CDYL: variants seen among roughly 807,000 people sequenced by gnomAD.
CDYL encodes the protein chromodomain Y-like protein.
In CDYL, 8 loss-of-function variants were observed where a neutral mutation model predicts 47.3. That is an observed-to-expected ratio of 0.17 (90% confidence interval 0.10 to 0.31). The LOEUF (loss-of-function observed/expected upper bound fraction) is 0.31. Among genes scored for constraint, CDYL ranks in the 10% least tolerant of loss-of-function variants. CDYL has a pLI of 1.00. For missense variants in CDYL, 471 were observed against 701.4 expected (o/e 0.67, Z 3.71); for synonymous variants, 266 against 265.0 (o/e 1.00, Z -0.04).
chr6:4,759,846 T>A (rs367607294), intron 3 of CDYL, among the ~76,000 whole-genome samples: 1 of 103,806 alleles, frequency 9.6e-6, no homozygotes, highest in African/African-American at 3.7e-5. Context: ...GCCATTGCAC[T>A]CCAGCCTGGG....
At chr6:4,735,549 A>G (rs1400113560) in intron 3 of CDYL, among the ~76,000 whole-genome samples, 1 of 152,052 alleles carries the variant, frequency 6.6e-6, no homozygotes, top group Non-Finnish European at 1.5e-5. Context: ...GGATCGCTTG[A>G]GGAAAGGAGT....
At chr6:4,736,401 A>G (rs149161466) in intron 3 of CDYL, among the ~76,000 whole-genome samples, 1,777 of 152,338 alleles carry the variant, frequency 0.012, 20 homozygotes, top group Middle Eastern at 0.031. Context: ...CAGCTAGAGG[A>G]TAGTGAAAAT....
chr6:4,911,849 C>T (rs747177108), intron 2 of CDYL, among the ~76,000 whole-genome samples: 1 of 152,002 alleles, frequency 6.6e-6, no homozygotes. Context: ...TTTAACTCAG[C>T]GAAGGAATCA....
intron 1 of CDYL, among the ~76,000 whole-genome samples, chr6:4,869,584 C>A (rs1407430355): frequency 6.6e-6 from 1 of 152,020 alleles, no homozygotes; most frequent in Non-Finnish European, 1.5e-5. Context: ...GTACCATATT[C>A]TCTGAATTTT....
At chr6:4,830,831 C>T (rs1234979028) in intron 1 of CDYL, among the ~76,000 whole-genome samples, 1 of 147,318 alleles carries the variant, frequency 6.8e-6, no homozygotes. Flanking sequence ...TCAATTCCCA[C>T]CTATGAGTGA....
At chr6:4,724,309 C>T (rs1757443439) in intron 2 of CDYL, 1 of 152,046 alleles carries the variant, frequency 6.6e-6, no homozygotes, top group Admixed American at 6.6e-5. Flanking sequence ...CCTTGGCCTC[C>T]CAACGTGATG....
chr6:4,953,817 G>A, intron 6 of CDYL, 81 bp from the exon 7 acceptor site: 2 of 1,316,922 alleles, frequency 1.5e-6, no homozygotes, highest in South Asian at 1.4e-5. Flanking sequence ...TTTGATGATT[G>A]CCTCCGTAAA....
chr6:4,947,584 C>T (rs1055007327), intron 5 of CDYL, among the ~76,000 whole-genome samples: 1 of 152,186 alleles, frequency 6.6e-6, no homozygotes, highest in African/African-American at 2.4e-5. Context: ...GTGGCTTCTC[C>T]ACCTGGCCTG....
intron 2 of CDYL, among the ~76,000 whole-genome samples, chr6:4,922,967 C>T (rs1344001154): frequency 1.3e-5 from 2 of 152,048 alleles, no homozygotes; most frequent in African/African-American, 2.4e-5. Flanking sequence ...ACTATTTTTA[C>T]TCAACACTTA....
Position 4,871,720 on chromosome 6 carries a change from A to T in CDYL, c.25-19993A>T, listed in dbSNP as rs1581226024. ...TATTTGGCCGTGTCCTCTCCACCCT[A>T]AATAGTCTCCCCTAGATGAGCTTTA... is the stretch of plus-strand genomic sequence containing the variant. On this transcript the variant is annotated intron_variant, in intron 1 of 6. Coordinates refer to ENST00000397588, the MANE Select transcript of CDYL (RefSeq NM_004824.4). Among the ~76,000 whole-genome samples, 3 of 152,054 alleles carry T rather than the reference A, an allele frequency of 2.0e-5. No homozygotes were observed. In the South Asian group the frequency reaches 6.2e-4, roughly 32 times the overall value.
At chr6:4,858,516 A>C (rs1581217137) in intron 1 of CDYL, among the ~76,000 whole-genome samples, 1 of 152,212 alleles carries the variant, frequency 6.6e-6, no homozygotes, top group African/African-American at 2.4e-5. Context: ...AGCTTAAGGA[A>C]CCTGCCCAGA....
Position 4,779,746 on chromosome 6 carries a change from C to T in CDYL, c.24+2939C>T, listed in dbSNP as rs112062735. Among the ~76,000 whole-genome samples, 1,462 of 152,228 alleles carry T rather than the reference C, an allele frequency of 9.6e-3. 23 individuals carry two copies. Among genetic ancestry groups the T allele is most frequent in the African/African-American group, 0.033 (1,389 of 41,506 alleles). Reference sequence around the variant, plus strand: ...AAAAAGACAAGCGTCCTTTACATCACGCTTCTAATGTAAAGGGCCAGATAA... The same window carrying T: ...AAAAAGACAAGCGTCCTTTACATCATGCTTCTAATGTAAAGGGCCAGATAA... On this transcript the variant is annotated intron_variant, in intron 1 of 6. Transcript: ENST00000397588.
At chr6:4,780,203 C>G (rs1172231496) in intron 1 of CDYL, among the ~76,000 whole-genome samples, 2 of 151,546 alleles carry the variant, frequency 1.3e-5, no homozygotes, top group East Asian at 3.9e-4. Context: ...TGGTAATCCT[C>G]CCTCCTTTCC....
At chr6:4,877,002 A>G (rs559119182) in intron 1 of CDYL, among the ~76,000 whole-genome samples, 2 of 152,302 alleles carry the variant, frequency 1.3e-5, no homozygotes, top group African/African-American at 4.8e-5. Flanking sequence ...TGTCCCTTCC[A>G]CCACGTGAGG....
chr6:4,707,562 G>A (rs1189665330), intron 1 of CDYL, among the ~76,000 whole-genome samples: 2 of 152,294 alleles, frequency 1.3e-5, no homozygotes, highest in African/African-American at 4.8e-5. Context: ...GTGAGCCACA[G>A]CCCCCGGCTG....
intron 1 of CDYL, among the ~76,000 whole-genome samples, chr6:4,803,012 T>C (rs1759269513): frequency 6.6e-6 from 1 of 152,186 alleles, no homozygotes; most frequent in Admixed American, 6.5e-5. Flanking sequence ...ACACTATCCC[T>C]TTCCTGCTCC....
At chr6:4,859,214 G>T (rs1462511529) in intron 1 of CDYL, among the ~76,000 whole-genome samples, 1 of 152,086 alleles carries the variant, frequency 6.6e-6, no homozygotes, top group East Asian at 1.9e-4. Context: ...GACATGTTCT[G>T]TGGAACAAAC....
At chr6:4,884,379 G>C (rs1761845581) in intron 1 of CDYL, among the ~76,000 whole-genome samples, 1 of 152,190 alleles carries the variant, frequency 6.6e-6, no homozygotes, top group South Asian at 2.1e-4. Context: ...GTTGATAGCA[G>C]CTTTTATTAG....
At position 4,740,707 on chromosome 6, in the gene CDYL, A is replaced by G. The variant is rs576883838; in HGVS notation, c.186+5863A>G. 1.1e-3 allele frequency among the ~76,000 whole-genome samples: 166 copies of G among 152,260 alleles called. 1 individual carries two copies. Among genetic ancestry groups the G allele is most frequent in the African/African-American group, 3.8e-3 (160 of 41,562 alleles). ...TGTGGGTGATAGAGCTGCTTCTGCC[A>G]AAACCATGGCCTCTAGTTTCTCTTC... On this transcript the variant is annotated intron_variant, in intron 3 of 8. Transcript: ENST00000328908.
Sources: allele counts gnomAD v4.1 joint callset (sites outside exome capture counted in the v4.1 genomes callset), GRCh38; gene constraint gnomAD v4.1.1; transcripts MANE v1.5; gene names NCBI Gene and HGNC (gene_info 2026-07-23, HGNC 2026-07-21).